DTWD2: variants seen among roughly 807,000 people sequenced by gnomAD.
DTWD2 encodes tRNA-uridine aminocarboxypropyltransferase 2.
DTWD2 carries 39 observed loss-of-function variants against 31.8 expected under a neutral mutation model. The ratio of observed to expected loss-of-function variants is 1.22; its 90% CI spans 0.95 to 1.60. The LOEUF (loss-of-function observed/expected upper bound fraction) is 1.60. Among genes scored for constraint, DTWD2 ranks in the 40% most tolerant of loss-of-function variants. The probability of loss-of-function intolerance (pLI) is 0.00; values close to 1 mark genes in which losing one functional copy is unlikely to be tolerated. For synonymous variants in DTWD2, 180 were observed against 142.8 expected, an observed-to-expected ratio of 1.26 and a Z score of -1.86; for missense variants, 515 against 381.5, an observed-to-expected ratio of 1.35 and a Z score of -2.92.
At chr5:118,844,949 C>G (rs1751814579) in intron 5 of DTWD2, among the ~76,000 whole-genome samples, 2 of 151,944 alleles carry the variant, frequency 1.3e-5, no homozygotes, top group South Asian at 4.2e-4. Context: ...CCAATCTGGG[C>G]AACTTGAGAC....
intron 4 of DTWD2, among the ~76,000 whole-genome samples, chr5:118,918,819 C>A (rs983786590): frequency 6.7e-6 from 1 of 150,120 alleles, no homozygotes; most frequent in Non-Finnish European, 1.5e-5. Context: ...AAGACCCTGT[C>A]TCTACCAGGA....
chr5:118,895,822 T>C (rs914413146), intron 4 of DTWD2, among the ~76,000 whole-genome samples: 7 of 152,152 alleles, frequency 4.6e-5, no homozygotes, highest in African/African-American at 1.2e-4. Context: ...TGCAGAAGGA[T>C]AGAACTATTA....
At chr5:118,882,580 G>C (rs1752765606) in intron 4 of DTWD2, among the ~76,000 whole-genome samples, 1 of 152,234 alleles carries the variant, frequency 6.6e-6, no homozygotes, top group Admixed American at 6.5e-5. Flanking sequence ...TGTACATCCA[G>C]TCGTTTCCAT....
chr5:118,947,205 G>C (rs1754358381), intron 1 of DTWD2, among the ~76,000 whole-genome samples: 1 of 152,204 alleles, frequency 6.6e-6, no homozygotes, highest in South Asian at 2.1e-4. Flanking sequence ...GTCTAGGTGA[G>C]TACTCGTGAC....
intron 1 of DTWD2, among the ~76,000 whole-genome samples, chr5:118,981,105 G>A (rs553212168): frequency 6.6e-6 from 1 of 152,232 alleles, no homozygotes; most frequent in East Asian, 1.9e-4. Flanking sequence ...GACACAGATA[G>A]ACAAATATAT....
rs536764010 is a variant in DTWD2, at chr5:118,922,529, G to A, written c.597+6008C>T. Among the ~76,000 whole-genome samples the A allele has an allele frequency of 1.1e-4, 17 of 152,098 alleles. No homozygotes were observed. The East Asian group carries it at 1.7e-3, about 16-fold the overall frequency. ...TAACACTACATTTAGAAATAAAACCGAATTATTTTAAACAACATTATAGAT... is the reference window on the plus strand; with the variant it reads ...TAACACTACATTTAGAAATAAAACCAAATTATTTTAAACAACATTATAGAT... On this transcript the variant is annotated intron_variant, in intron 4 of 5. Transcript: ENST00000510708.
intron 1 of DTWD2, among the ~76,000 whole-genome samples, chr5:118,965,737 A>G (rs1003097455): frequency 2.6e-5 from 4 of 152,076 alleles, no homozygotes; most frequent in African/African-American, 7.3e-5. Flanking sequence ...GCCTGAAGGC[A>G]GCATGCTCGT....
intron 1 of DTWD2, among the ~76,000 whole-genome samples, chr5:118,948,468 A>G (rs1467528926): frequency 6.6e-6 from 1 of 152,106 alleles, no homozygotes; most frequent in Non-Finnish European, 1.5e-5. Context: ...GCGACAAAGC[A>G]AGACTCCATC....
chr5:118,917,859 A>T lies in DTWD2; in HGVS notation c.597+10678T>A, dbSNP rs1580805336. 1.3e-5 allele frequency among the ~76,000 whole-genome samples: 2 copies of T among 151,912 alleles called. 1 individual carries two copies. Among genetic ancestry groups the T allele is most frequent in the Admixed American group, 1.3e-4 (2 of 15,260 alleles). ...GCGTGACTATAATCCCAGCTACTCA[A>T]GTGTCTGAGGCAGGAGAATCGCTTG... On this transcript the variant is annotated intron_variant, in intron 4 of 5. Transcript: ENST00000510708.
At chr5:118,948,652 G>C (rs760720673) in intron 1 of DTWD2, among the ~76,000 whole-genome samples, 1 of 152,118 alleles carries the variant, frequency 6.6e-6, no homozygotes, top group Non-Finnish European at 1.5e-5. Flanking sequence ...AAGTTGTTTG[G>C]ACAGAAAGGC....
At chr5:118,987,221 C>G (rs1268514620) in intron 1 of DTWD2, among the ~76,000 whole-genome samples, 1 of 152,280 alleles carries the variant, frequency 6.6e-6, no homozygotes, top group East Asian at 1.9e-4. Context: ...TTCACAAACC[C>G]CTATGTTCAA....
intron 1 of DTWD2, among the ~76,000 whole-genome samples, chr5:118,945,774 A>AAAAAGAAAGAAAGAAAG (rs1336464124): frequency 3.0e-5 from 4 of 134,260 alleles, no homozygotes; most frequent in African/African-American, 1.1e-4. Flanking sequence ...CAAAAAAAAA[A>AAAAAGAAAGAAAGAAAG]AAAGAAAGAA....
intron 4 of DTWD2, among the ~76,000 whole-genome samples, chr5:118,874,517 G>A (rs1285664467): frequency 6.6e-6 from 1 of 152,114 alleles, no homozygotes; most frequent in Non-Finnish European, 1.5e-5. Context: ...AAGACTGTAA[G>A]CAACATGATA....
rs990885160 is a variant in DTWD2, at chr5:118,921,090, T to C, written c.597+7447A>G. 5.0e-4 allele frequency among the ~76,000 whole-genome samples: 76 copies of C among 152,116 alleles called. 3 individuals are homozygous for C. On this transcript the variant is annotated intron_variant, in intron 4 of 5. Coordinates refer to ENST00000510708, the MANE Select transcript of DTWD2 (RefSeq NM_173666.4). ...AAATCATACACCCAATGGAAGCAAA[T>C]GTTCCTTCAAGTTAACTCAAGTTCT...
At chr5:118,843,351 G>GAGGA (rs1554060652) in intron 5 of DTWD2, among the ~76,000 whole-genome samples, 11 of 150,904 alleles carry the variant, frequency 7.3e-5, no homozygotes, top group African/African-American at 2.4e-4. Context: ...GGGAGGCAGG[G>GAGGA]AGGGAGGAAG....
intron 4 of DTWD2, among the ~76,000 whole-genome samples, chr5:118,909,287 C>G (rs563004414): frequency 2.0e-3 from 312 of 152,304 alleles, no homozygotes; most frequent in African/African-American, 7.3e-3. Flanking sequence ...CTCAACAGCC[C>G]TTGGGGTCAC....
In DTWD2 at chr5:118,841,091, T is replaced by C; in HGVS notation, c.727-4A>G. On this transcript the variant is annotated splice_region_variant and splice_polypyrimidine_tract_variant and intron_variant, in intron 5 of 5. Coordinates refer to ENST00000510708, the MANE Select transcript of DTWD2 (RefSeq NM_173666.4). ...CTTGAAGAGGGCGAAGCAAAGTCTG[T>C]CAAGAGAAAAAAGACACTAAAAAAG... 1.2e-6 allele frequency: 2 copies of C among 1,603,378 alleles called. No homozygotes were observed. The highest frequency in any genetic ancestry group is 1.7e-6 in the Non-Finnish European group (2 of 1,174,620).
chr5:118,979,491 T>C (rs1453499292), intron 1 of DTWD2, among the ~76,000 whole-genome samples: 2 of 152,160 alleles, frequency 1.3e-5, no homozygotes, highest in Non-Finnish European at 2.9e-5. Flanking sequence ...TGTGACCTAG[T>C]AGTCCCATTA....
At chr5:118,856,417 C>A (rs1752135471) in intron 4 of DTWD2, among the ~76,000 whole-genome samples, 1 of 152,102 alleles carries the variant, frequency 6.6e-6, no homozygotes, top group Admixed American at 6.6e-5. Context: ...TATTTGGGAT[C>A]TTTAAAGTTA....
Sources: gnomAD v4.1 joint callset for allele counts (sites outside exome capture counted in the v4.1 genomes callset) on GRCh38, gnomAD v4.1.1 for gene constraint, MANE v1.5 for transcripts, NCBI Gene and HGNC (gene_info 2026-07-23, HGNC 2026-07-21) for gene names.